DLGAP4: variants seen among roughly 807,000 people sequenced by gnomAD.
The protein encoded by DLGAP4 is DLG associated protein 4, also known as disks large-associated protein 4.
A neutral mutation model predicts 86.9 loss-of-function variants in DLGAP4; 18 were observed. The observed-to-expected ratio is 0.21, with a 90% CI of 0.14 to 0.31. The LOEUF (loss-of-function observed/expected upper bound fraction) is 0.31, where lower values mean the gene tolerates loss of function less well. Among genes scored for constraint, DLGAP4 ranks in the 10% least tolerant of loss-of-function variants. The pLI, the probability that DLGAP4 is intolerant of heterozygous loss-of-function variation, is 1.00. For missense variants in DLGAP4, 1,085 were observed against 1,362.6 expected, an observed-to-expected ratio of 0.80 and a Z score of 3.21; for synonymous variants, 548 against 574.3, an observed-to-expected ratio of 0.95 and a Z score of 0.65.
At chr20:36,317,326 TTC>T (rs2065118211) in intron 1 of DLGAP4, among the ~76,000 whole-genome samples, 2,936 of 83,428 alleles carry the variant, frequency 0.035, 379 homozygotes, top group African/African-American at 0.099. Context: ...CCTTCCTTCC[TTC>T]CTCTTTCTCT....
chr20:36,452,727 C>G (rs1196588208), intron 7 of DLGAP4, among the ~76,000 whole-genome samples: 1 of 150,000 alleles, frequency 6.7e-6, no homozygotes, highest in Non-Finnish European at 1.5e-5. Context: ...CTACGCTGGT[C>G]TTGAACGTCT....
chr20:36,344,269 G>A (rs537261181), intron 1 of DLGAP4, among the ~76,000 whole-genome samples: 2 of 152,324 alleles, frequency 1.3e-5, no homozygotes, highest in Admixed American at 6.5e-5. Flanking sequence ...ATATTCATCT[G>A]TATTCTTATC....
chr20:36,312,165 C>T lies in DLGAP4; in HGVS notation c.-304+5653C>T, dbSNP rs1049273212. Among the ~76,000 whole-genome samples, 1,412 of 152,242 alleles carry T rather than the reference C, an allele frequency of 9.3e-3. 10 individuals are homozygous for T. The highest frequency in any genetic ancestry group is 0.024 in the Middle Eastern group (7 of 294). On this transcript the variant is annotated intron_variant, in intron 1 of 12. Coordinates refer to ENST00000339266, the MANE Select transcript of DLGAP4 (RefSeq NM_001365621.2). ...AGAACTGTGGCCTCTCTCCCGGCTC[C>T]GCTGTGCTTCCCCAGCATGCAATTC...
At chr20:36,386,764 G>A (rs1298014635) in intron 2 of DLGAP4, among the ~76,000 whole-genome samples, 1 of 152,130 alleles carries the variant, frequency 6.6e-6, no homozygotes, top group East Asian at 1.9e-4. Flanking sequence ...TTTTTTATTT[G>A]TTGTAGGGAC....
chr20:36,508,419 G>GTTTTTTTTTTTTTTTTTTTTTTTTTTTTT (rs1569523131), intron 10 of DLGAP4: 1 of 134,606 alleles, frequency 7.4e-6, no homozygotes, highest in African/African-American at 3.0e-5. Context: ...ATGTTTCAGG[G>GTTTTTTTTTTTTTTTTTTTTTTTTTTTTT]TTCTTTTTTT....
Position 36,480,147 on chromosome 20 carries a change from T to C in DLGAP4, c.1649-16558T>C, listed in dbSNP as rs147993393. Among the ~76,000 whole-genome samples, 53 of 152,274 alleles carry C rather than the reference T, an allele frequency of 3.5e-4. No individual in the cohort carries two copies. In the East Asian group the frequency reaches 7.7e-3, roughly 22 times the overall value. On this transcript the variant is annotated intron_variant, in intron 7 of 12. Transcript: ENST00000339266. The stretch of plus-strand genomic sequence containing the variant: ...CTGAATGAAGGCTGATTCCAGGGAT[T>C]CCTAACCTACTGGCAGTTTCTGTCA...
chr20:36,426,760 C>G (rs1162414476), intron 2 of DLGAP4, among the ~76,000 whole-genome samples: 2 of 152,030 alleles, frequency 1.3e-5, no homozygotes, highest in East Asian at 3.9e-4. Context: ...AAAGTAATAC[C>G]TACGGGAAAT....
intron 2 of DLGAP4, among the ~76,000 whole-genome samples, chr20:36,415,997 C>T (rs1184176328): frequency 4.6e-5 from 7 of 152,222 alleles, no homozygotes; most frequent in Admixed American, 1.3e-4. Context: ...GGAAGAAGCT[C>T]AGACCAGACT....
chr20:36,354,204 T>G (rs1555893659), intron 1 of DLGAP4, among the ~76,000 whole-genome samples: 1 of 152,072 alleles, frequency 6.6e-6, no homozygotes, highest in East Asian at 1.9e-4. Context: ...GGCCTTTCCC[T>G]GGGGTTCTCC....
At position 36,333,268 on chromosome 20, in the gene DLGAP4, G is replaced by A. The variant is rs562735320; in HGVS notation, c.-304+26756G>A. On this transcript the variant is annotated intron_variant, in intron 1 of 12. Transcript: ENST00000339266. ...CCTGCTGCAAATGCACCATGAAAATGCAGCTCTTCTCCTTCTATTGGTGTG... is the reference window on the plus strand; with the variant it reads ...CCTGCTGCAAATGCACCATGAAAATACAGCTCTTCTCCTTCTATTGGTGTG... Among the ~76,000 whole-genome samples the A allele has an allele frequency of 1.4e-3, 208 of 152,264 alleles. 1 individual carries two copies. The highest frequency in any genetic ancestry group is 4.9e-3 in the African/African-American group (203 of 41,552).
At position 36,500,601 on chromosome 20, in the gene DLGAP4, C is replaced by G. The variant is rs1347978442; in HGVS notation, c.2502C>G (p.Leu834=). The change falls in exon 10 of 13, where the codon CTC becomes CTG. Residue 834 remains leucine, a synonymous_variant. Transcript: ENST00000339266. This position sits in a 1 kb window ranked among gnomAD's most constrained non-coding sequence, Gnocchi z 4.6. ...QMDKETKENN[L]SEEVLGKVLS... is the part of the protein sequence containing the mutation. ...ACAAGGAGACCAAAGAGAACAACCT[C>G]TCTGAAGAAGGTGGGTGCCACATGG... 9.4e-6 allele frequency: 14 copies of G among 1,493,908 alleles called. No individual in the cohort carries two copies. Among genetic ancestry groups the G allele is most frequent in the East Asian group, 2.4e-5 (1 of 41,980 alleles). 92.5% of individuals were successfully genotyped at this position (1,493,908 alleles called of 1,614,324 possible). A position where few individuals can be genotyped will look rare whatever the true frequency, so the allele number is the denominator to read the frequency against.
intron 1 of DLGAP4, among the ~76,000 whole-genome samples, chr20:36,356,297 TTTTGTTTG>T (rs140426624): frequency 1.4e-3 from 207 of 152,014 alleles, no homozygotes; most frequent in Middle Eastern, 3.4e-3. Context: ...GTTTCATTGT[TTTTGTTTG>T]TTTGTTTGTT....
chr20:36,462,303 C>T (rs2034122315), intron 7 of DLGAP4: 4 of 1,338,052 alleles, frequency 3.0e-6, no homozygotes, highest in African/African-American at 3.1e-5. Context: ...CTCAGGTCTC[C>T]GAGCACCCCC....
intron 7 of DLGAP4, among the ~76,000 whole-genome samples, chr20:36,464,931 T>G (rs1294053739): frequency 1.3e-5 from 2 of 152,208 alleles, no homozygotes; most frequent in South Asian, 4.1e-4. Flanking sequence ...TTAATCAGTC[T>G]CCATCATTCA....
chr20:36,506,701 C>T (rs181539468), intron 10 of DLGAP4, among the ~76,000 whole-genome samples: 1 of 152,298 alleles, frequency 6.6e-6, no homozygotes, highest in Admixed American at 6.5e-5. Context: ...ACCATTTCAA[C>T]CAAGTTTACA....
rs1306909129 is a variant in DLGAP4 at position 36,442,669 on chromosome 20, C to A, written c.1357-58C>A. ...AGTTTCCTTGCAATTGACCCTGAAT[C>A]CCCCACCCCAGCCCCAGCCCTGGTC... is the stretch of plus-strand genomic sequence containing the variant. On this transcript the variant is annotated intron_variant, in intron 5 of 12. Coordinates refer to ENST00000339266, the MANE Select transcript of DLGAP4 (RefSeq NM_001365621.2). 5.7e-6 allele frequency: 9 copies of A among 1,591,448 alleles called. No individual in the cohort carries two copies. In the East Asian group the frequency reaches 1.1e-4, roughly 20 times the overall value.
intron 2 of DLGAP4, among the ~76,000 whole-genome samples, chr20:36,396,396 A>G (rs2031969278): frequency 1.0e-3 from 4 of 4,004 alleles, no homozygotes; most frequent in Admixed American, 2.5e-3. Context: ...CACATGCCAC[A>G]TACACACACC....
intron 10 of DLGAP4, chr20:36,508,245 A>G (rs2036489730): frequency 6.6e-6 from 1 of 152,238 alleles, no homozygotes; most frequent in South Asian, 2.1e-4. Flanking sequence ...AATCTGCCAC[A>G]GCAAAGAAGC....
chr20:36,470,804 C>A (rs1049342743), intron 7 of DLGAP4, among the ~76,000 whole-genome samples: 2 of 152,122 alleles, frequency 1.3e-5, no homozygotes, highest in African/African-American at 4.8e-5. Flanking sequence ...TGGGCACATA[C>A]AGGTTCATGG....
Sources: allele counts gnomAD v4.1 joint callset (sites outside exome capture counted in the v4.1 genomes callset), GRCh38; gene constraint gnomAD v4.1.1; non-coding constraint Gnocchi (gnomAD v3.1); transcripts MANE v1.5; gene names NCBI Gene and HGNC (gene_info 2026-07-23, HGNC 2026-07-21).